Variants in DRD2 observed in about 807,000 individuals in gnomAD.
DRD2 encodes D(2) dopamine receptor.
Under a neutral mutation model 38.0 loss-of-function variants are expected in DRD2, and 8 were observed. The observed-to-expected ratio is 0.21, with a 90% CI of 0.12 to 0.38. The LOEUF (loss-of-function observed/expected upper bound fraction) is 0.38. Ranked by LOEUF, DRD2 falls within the 10% of genes least tolerant of loss-of-function variation. DRD2 has a pLI of 1.00. For missense variants in DRD2, 403 were observed against 607.7 expected (o/e 0.66, Z 3.54); for synonymous variants, 230 against 238.6 (o/e 0.96, Z 0.33).
At chr11:113,451,371 C>T (rs2119907934) in intron 1 of DRD2, among the ~76,000 whole-genome samples, 1 of 152,220 alleles carries the variant, frequency 6.6e-6, no homozygotes, top group African/African-American at 2.4e-5. Context: ...TTGTCCAAAG[C>T]CTTATGATTT....
intron 6 of DRD2, 115 bp downstream of exon 6, chr11:113,414,260 G>C: frequency 1.0e-6 from 1 of 953,428 alleles, no homozygotes; most frequent in South Asian, 1.3e-5. Context: ...AGGCAAGGTG[G>C]GGGTTTCTGG....
At chr11:113,421,387 C>G (rs1565663053) in intron 2 of DRD2, among the ~76,000 whole-genome samples, 2 of 152,122 alleles carry the variant, frequency 1.3e-5, no homozygotes, top group Non-Finnish European at 2.9e-5. Flanking sequence ...AGTGCTCAGT[C>G]AGTGCTGACT....
At chr11:113,429,746 T>G (rs1362790033) in intron 1 of DRD2, among the ~76,000 whole-genome samples, 1 of 152,196 alleles carries the variant, frequency 6.6e-6, no homozygotes, top group African/African-American at 2.4e-5. Context: ...GAGGTGCTAG[T>G]ATAACATTCG....
At chr11:113,423,071 G>C (rs1041741005) in intron 2 of DRD2, among the ~76,000 whole-genome samples, 2 of 152,054 alleles carry the variant, frequency 1.3e-5, no homozygotes, top group African/African-American at 4.8e-5. Flanking sequence ...ATCCTAGAAA[G>C]CTGGGCAGAG....
chr11:113,450,754 C>T (rs758685928), intron 1 of DRD2, among the ~76,000 whole-genome samples: 29 of 152,184 alleles, frequency 1.9e-4, no homozygotes, highest in Non-Finnish European at 3.5e-4. Context: ...TTGACAGATG[C>T]AGAACCCGTA....
Position 113,409,709 on chromosome 11 carries a change from C to T in DRD2, c.*1018G>A, listed in dbSNP as rs1950748279. On this transcript the variant is annotated 3_prime_UTR_variant, in exon 8 of 8. Transcript: ENST00000362072. ...TCCCAAGCTGCAGCTTCCCCTCCTT[C>T]CTCAGGGCAGGGCCAGGCCAGGCCA... 1 of 153,118 alleles carries T rather than the reference C, an allele frequency of 6.5e-6. No homozygotes were observed. The highest frequency in any genetic ancestry group is 2.4e-5 in the African/African-American group (1 of 41,470). The allele number at this position is 153,118 out of a possible 1,614,324, so 9.5% of individuals were successfully genotyped here.
At chr11:113,468,868 G>A (rs55887984) in intron 1 of DRD2, among the ~76,000 whole-genome samples, 11,517 of 152,202 alleles carry the variant, frequency 0.076, 944 homozygotes, top group East Asian at 0.39. Context: ...TTTTTTAAAG[G>A]CAGCTCTCAT....
chr11:113,419,879 C>G (rs1004283045), intron 2 of DRD2, among the ~76,000 whole-genome samples: 4 of 152,230 alleles, frequency 2.6e-5, no homozygotes, highest in African/African-American at 9.6e-5. Flanking sequence ...CCCCAGAACA[C>G]AGCAAGCCTC....
chr11:113,424,516 C>T lies in DRD2; in HGVS notation c.136G>A (p.Ala46Thr), dbSNP rs374010633. 9 of 1,614,096 alleles carry T rather than the reference C, an allele frequency of 5.6e-6. No homozygotes were observed. The highest frequency in any genetic ancestry group is 1.3e-5 in the African/African-American group (1 of 74,920). ...YYATLLTLLI[A>T]VIVFGNVLVC... ...AGCACGTTGCCGAAGACGATGACAG[C>T]GATGAGCAGGGTGAGCAGTGTGGCA... The change falls in exon 2 of 8, where the codon GCT becomes ACT. Residue 46 changes from alanine to threonine, a missense_variant. By Grantham distance (58) the Ala-to-Thr change is moderately conservative. This residue lies in a region of DRD2 where 162 missense variants were observed against 254.5 expected (regional missense o/e 0.64). Transcript: ENST00000362072.
At chr11:113,418,365 A>G (rs1018087709) in intron 2 of DRD2, among the ~76,000 whole-genome samples, 19 of 152,216 alleles carry the variant, frequency 1.2e-4, no homozygotes, top group Non-Finnish European at 1.3e-4. Context: ...TTACTGTGCT[A>G]GAAGAAAGAC....
intron 5 of DRD2, chr11:113,415,209 G>A (rs1239104532): frequency 2.7e-5 from 13 of 489,444 alleles, no homozygotes; most frequent in Non-Finnish European, 4.5e-5. Flanking sequence ...GTTATTTAGT[G>A]TCATGGACCC....
At chr11:113,414,141 TA>T in intron 6 of DRD2, 1 of 587,096 alleles carries the variant, frequency 1.7e-6, no homozygotes, top group Non-Finnish European at 3.1e-6. Context: ...TCATTTTTAT[TA>T]CGTTGGTATG....
rs368053774 is a variant in DRD2 at position 113,415,688 on chromosome 11, C to T, written c.533-77G>A. On this transcript the variant is annotated intron_variant, in intron 4 of 7. Coordinates refer to ENST00000362072, the MANE Select transcript of DRD2 (RefSeq NM_000795.4). The stretch of plus-strand genomic sequence containing the variant: ...TAATTCCACAAGAGCCCATTCATGT[C>T]CTTCCAGGAACAAGGAGCGATTTTA... 456 of 1,502,912 alleles carry T rather than the reference C, an allele frequency of 3.0e-4. 11 individuals are homozygous for T. The South Asian group carries it at 5.3e-3, about 18-fold the overall frequency. 93.1% of individuals were successfully genotyped at this position (1,502,912 alleles called of 1,614,324 possible). A position where few individuals can be genotyped will look rare whatever the true frequency, so the allele number is the denominator to read the frequency against.
chr11:113,421,964 C>A (rs919102000), intron 2 of DRD2, among the ~76,000 whole-genome samples: 3 of 152,256 alleles, frequency 2.0e-5, no homozygotes, highest in African/African-American at 7.2e-5. Context: ...ATAAGGTGAA[C>A]AAGCATGTTT....
At chr11:113,442,416 C>A (rs1035711295) in intron 1 of DRD2, among the ~76,000 whole-genome samples, 15 of 152,186 alleles carry the variant, frequency 9.9e-5, no homozygotes, top group African/African-American at 3.4e-4. Flanking sequence ...CTGAATGATG[C>A]TCTCAGATCC....
chr11:113,410,391 A>C lies in DRD2; in HGVS notation c.*336T>G. ...CTGGGCCCTGACTCAGGCTCCAGCA[A>C]CCCTAGAGCCCCAGAGGAAGGTCAA... On this transcript the variant is annotated 3_prime_UTR_variant, in exon 8 of 8. Transcript: ENST00000362072. 1 of 470,390 alleles carries C rather than the reference A, an allele frequency of 2.1e-6. No homozygotes were observed. The highest frequency in any genetic ancestry group is 3.9e-6 in the Non-Finnish European group (1 of 255,148). The allele number at this position is 470,390 out of a possible 1,614,324, so 29.1% of individuals were successfully genotyped here. A position where few individuals can be genotyped will look rare whatever the true frequency, so the allele number is the denominator to read the frequency against.
At chr11:113,417,751 T>G (rs1444778620) in intron 3 of DRD2, among the ~76,000 whole-genome samples, 2 of 152,220 alleles carry the variant, frequency 1.3e-5, no homozygotes, top group Non-Finnish European at 2.9e-5. Flanking sequence ...AGCTAGGGCT[T>G]CCGTCAGAAT....
At chr11:113,451,214 C>A (rs1056610974) in intron 1 of DRD2, among the ~76,000 whole-genome samples, 2 of 152,232 alleles carry the variant, frequency 1.3e-5, no homozygotes, top group Admixed American at 1.3e-4. Flanking sequence ...AATAAGGCAG[C>A]AAGCCCACCT....
chr11:113,410,969 G>A (rs756686558), intron 7 of DRD2, 49 bp from the exon 8 acceptor site: 12 of 1,573,098 alleles, frequency 7.6e-6, no homozygotes, highest in East Asian at 2.3e-5. Flanking sequence ...GGGGAGGCAC[G>A]GCTGGGAACA....
Sources: gnomAD v4.1 joint callset for allele counts (sites outside exome capture counted in the v4.1 genomes callset) on GRCh38, gnomAD v4.1.1 for gene constraint, gnomAD v4.1.1 regional missense constraint, MANE v1.5 for transcripts, NCBI Gene and HGNC (gene_info 2026-07-23, HGNC 2026-07-21) for gene names.